The following FMNL2 variants were observed in gnomAD, a reference collection of about 807,000 sequenced individuals.
FMNL2 encodes formin like 2.
Under a neutral mutation model 130.2 loss-of-function variants are expected in FMNL2, and 51 were observed. The ratio of observed to expected loss-of-function variants is 0.39; its 90% CI spans 0.31 to 0.49. The LOEUF is 0.49. FMNL2 is among the 20% of genes least tolerant of loss of function. FMNL2 has a pLI of 0.85. For synonymous variants in FMNL2, 465 were observed against 467.1 expected (o/e 1.00, Z 0.06); for missense variants, 977 against 1,316.2 (o/e 0.74, Z 3.99).
At chr2:152,448,257 C>T (rs1217384184) in intron 1 of FMNL2, among the ~76,000 whole-genome samples, 2 of 151,328 alleles carry the variant, frequency 1.3e-5, no homozygotes, top group African/African-American at 4.9e-5. Context: ...TATTTCAGCA[C>T]TGCTGAGTGT....
intron 1 of FMNL2, among the ~76,000 whole-genome samples, chr2:152,516,533 T>A (rs1692779546): frequency 6.6e-6 from 1 of 152,206 alleles, no homozygotes; most frequent in Non-Finnish European, 1.5e-5. Context: ...GACTGAATGC[T>A]TGTGAGTTTT....
intron 1 of FMNL2, among the ~76,000 whole-genome samples, chr2:152,463,364 A>G (rs1689354560): frequency 6.6e-6 from 1 of 152,136 alleles, no homozygotes; most frequent in African/African-American, 2.4e-5. Flanking sequence ...TGATGAAGAA[A>G]TCAAGGTTCA....
At chr2:152,634,532 G>A (rs1322538812) in intron 21 of FMNL2, among the ~76,000 whole-genome samples, 2 of 152,208 alleles carry the variant, frequency 1.3e-5, no homozygotes, top group Admixed American at 6.5e-5. Context: ...TATTCCTGTA[G>A]TGAAAAAAAT....
intron 1 of FMNL2, among the ~76,000 whole-genome samples, chr2:152,460,083 A>G (rs1335685800): frequency 6.6e-6 from 1 of 152,252 alleles, no homozygotes; most frequent in African/African-American, 2.4e-5. Flanking sequence ...TAACTATTAA[A>G]TATAAATATT....
At chr2:152,488,915 T>TA (rs1292670064) in intron 1 of FMNL2, among the ~76,000 whole-genome samples, 5 of 152,008 alleles carry the variant, frequency 3.3e-5, no homozygotes, top group Non-Finnish European at 7.4e-5. Flanking sequence ...CTACAAAAAA[T>TA]AAAAAATTAG....
intron 1 of FMNL2, among the ~76,000 whole-genome samples, chr2:152,469,229 C>T (rs1558888892): frequency 6.6e-6 from 1 of 152,220 alleles, no homozygotes; most frequent in Non-Finnish European, 1.5e-5. Context: ...TCACCACTTC[C>T]CTTGTCATCT....
chr2:152,589,981 A>ATGTATGTATATG (rs1174507707), intron 9 of FMNL2, among the ~76,000 whole-genome samples: 2 of 42,490 alleles, frequency 4.7e-5, no homozygotes, highest in African/African-American at 1.1e-4. Context: ...ATATATATAT[A>ATGTATGTATATG]TATGTATATG....
intron 1 of FMNL2, among the ~76,000 whole-genome samples, chr2:152,346,669 A>G (rs1367813887): frequency 6.6e-6 from 1 of 152,154 alleles, no homozygotes; most frequent in African/African-American, 2.4e-5. Flanking sequence ...TCTAACAACA[A>G]AAAAAGTTCC....
chr2:152,504,251 A>AG (rs1451353814), intron 1 of FMNL2, among the ~76,000 whole-genome samples: 1 of 149,102 alleles, frequency 6.7e-6, no homozygotes, highest in Non-Finnish European at 1.5e-5. Flanking sequence ...ACCCACATGC[A>AG]GGGAGGCTTT....
chr2:152,382,030 T>G (rs1159191438), intron 1 of FMNL2, among the ~76,000 whole-genome samples: 2 of 151,984 alleles, frequency 1.3e-5, no homozygotes, highest in African/African-American at 4.8e-5. Flanking sequence ...AACTTCTGGG[T>G]TCAAGTGATT....
chr2:152,640,096 A>G, intron 24 of FMNL2, 40 bp downstream of exon 24: 1 of 1,493,806 alleles, frequency 6.7e-7, no homozygotes, highest in Non-Finnish European at 9.0e-7. Flanking sequence ...CCGTGAGGAG[A>G]GGCTGAGAGG....
intron 15 of FMNL2, among the ~76,000 whole-genome samples, chr2:152,620,457 T>G (rs1381512952): frequency 6.6e-6 from 1 of 152,144 alleles, no homozygotes; most frequent in Non-Finnish European, 1.5e-5. Flanking sequence ...GAAACAAAGA[T>G]GACGCTACGA....
intron 2 of FMNL2, among the ~76,000 whole-genome samples, chr2:152,540,543 G>A (rs1475860702): frequency 1.3e-5 from 2 of 151,784 alleles, no homozygotes; most frequent in Admixed American, 1.3e-4. Flanking sequence ...ATATTAATAG[G>A]TGTCCTACTA....
chr2:152,644,753 CT>C, intron 25 of FMNL2, among the ~76,000 whole-genome samples: 1 of 152,150 alleles, frequency 6.6e-6, no homozygotes, highest in Admixed American at 6.5e-5. Context: ...ATATCTTGAC[CT>C]GCTTCTTTGG....
At chr2:152,342,541 C>G (rs199838746) in intron 1 of FMNL2, among the ~76,000 whole-genome samples, 1 of 152,176 alleles carries the variant, frequency 6.6e-6, no homozygotes, top group East Asian at 1.9e-4. Flanking sequence ...CTTCATGTAC[C>G]TTCTTAGTTC....
chr2:152,414,043 A>G (rs183086775), intron 1 of FMNL2, among the ~76,000 whole-genome samples: 1 of 152,130 alleles, frequency 6.6e-6, no homozygotes, highest in African/African-American at 2.4e-5. Flanking sequence ...GTGATTATTG[A>G]TGTACACGAG....
At chr2:152,590,016 C>CAT (rs1207399893) in intron 9 of FMNL2, among the ~76,000 whole-genome samples, 613 of 52,408 alleles carry the variant, frequency 0.012, 13 homozygotes, top group Non-Finnish European at 0.02. Flanking sequence ...TATACATATA[C>CAT]ATATATATAT....
At chr2:152,595,403 C>T (rs1697708756) in intron 9 of FMNL2, among the ~76,000 whole-genome samples, 1 of 152,154 alleles carries the variant, frequency 6.6e-6, no homozygotes, top group African/African-American at 2.4e-5. Flanking sequence ...TCACTGCAAC[C>T]TCCACCTCCC....
intron 1 of FMNL2, among the ~76,000 whole-genome samples, chr2:152,411,980 G>A (rs1286968781): frequency 6.6e-6 from 1 of 152,152 alleles, no homozygotes; most frequent in East Asian, 1.9e-4. Context: ...TATTCCCATA[G>A]CTGAGATCAT....
Sources: gnomAD v4.1 joint callset for allele counts (sites outside exome capture counted in the v4.1 genomes callset) on GRCh38, gnomAD v4.1.1 for gene constraint, MANE v1.5 for transcripts, NCBI Gene and HGNC (gene_info 2026-07-23, HGNC 2026-07-21) for gene names.